The following PPP2R2C variants were observed in gnomAD, a reference collection of about 807,000 sequenced individuals.
PPP2R2C encodes protein phosphatase 2 regulatory subunit Bgamma.
In PPP2R2C, 10 loss-of-function variants were observed where a neutral mutation model predicts 45.3. That is an observed-to-expected ratio of 0.22 (90% CI 0.14 to 0.37). PPP2R2C has a LOEUF of 0.37. PPP2R2C is among the 10% of genes least tolerant of loss of function. The probability of loss-of-function intolerance (pLI) is 1.00; values close to 1 mark genes in which losing one functional copy is unlikely to be tolerated. For synonymous variants in PPP2R2C, 257 were observed against 245.4 expected (o/e 1.05, Z -0.44); for missense variants, 308 against 619.7 (o/e 0.50, Z 5.34).
chr4:6,359,642 A>T (rs905692414), intron 5 of PPP2R2C, among the ~76,000 whole-genome samples: 89 of 151,112 alleles, frequency 5.9e-4, no homozygotes, highest in African/African-American at 2.1e-3. Flanking sequence ...AAAAAAAGAA[A>T]CTCCTTCATC....
At chr4:6,523,724 C>T (rs561377465) in intron 2 of PPP2R2C, among the ~76,000 whole-genome samples, 6 of 152,188 alleles carry the variant, frequency 3.9e-5, no homozygotes, top group African/African-American at 1.4e-4. Flanking sequence ...GTGTCTATCA[C>T]GGAACACTGA....
At chr4:6,414,452 G>C (rs1292224536) in intron 1 of PPP2R2C, among the ~76,000 whole-genome samples, 1 of 152,158 alleles carries the variant, frequency 6.6e-6, no homozygotes, top group Non-Finnish European at 1.5e-5. Context: ...GAAAGCAGGA[G>C]GCTGGCGGGA....
intron 8 of PPP2R2C, among the ~76,000 whole-genome samples, chr4:6,326,439 C>A (rs1271904980): frequency 2.6e-5 from 4 of 152,162 alleles, no homozygotes; most frequent in African/African-American, 2.4e-5. Flanking sequence ...TCTCTCCCCC[C>A]AGGCAGGACA....
chr4:6,452,497 G>A (rs1177172534), intron 1 of PPP2R2C, among the ~76,000 whole-genome samples: 1 of 152,132 alleles, frequency 6.6e-6, no homozygotes, highest in Admixed American at 6.5e-5. Flanking sequence ...TGGCATTTGC[G>A]GCCCCAAGAT....
At chr4:6,323,841 TGGGGAGGCAGGAGGATCACCTGAGC>T (rs1731728099) in intron 8 of PPP2R2C, among the ~76,000 whole-genome samples, 1 of 31,408 alleles carries the variant, frequency 3.2e-5, no homozygotes, top group East Asian at 0.015. Context: ...CACCTGAGCC[TGGGGAGGCAGGAGGATCACCTGAGC>T]CTGGGGAGGC....
intron 1 of PPP2R2C, among the ~76,000 whole-genome samples, chr4:6,440,695 G>A (rs542466071): frequency 3.0e-4 from 46 of 152,308 alleles, no homozygotes; most frequent in Admixed American, 7.8e-4. Flanking sequence ...CTCCCTGACT[G>A]GCACGTCTCA....
At chr4:6,479,344 A>G (rs1722270395) in intron 2 of PPP2R2C, among the ~76,000 whole-genome samples, 1 of 152,294 alleles carries the variant, frequency 6.6e-6, no homozygotes, top group Admixed American at 6.5e-5. Context: ...TTTGAACCTC[A>G]TAGAGGCTGG....
intron 3 of PPP2R2C, among the ~76,000 whole-genome samples, chr4:6,376,952 G>C (rs1444672473): frequency 2.0e-5 from 3 of 152,198 alleles, no homozygotes; most frequent in Admixed American, 1.3e-4. Context: ...AGAACAGCAG[G>C]TGCCCAGAGA....
At chr4:6,384,850 C>G in intron 1 of PPP2R2C, 2 of 985,454 alleles carry the variant, frequency 2.0e-6, no homozygotes, top group Non-Finnish European at 2.4e-6. Context: ...GCCATGAGCT[C>G]TTTGCAGACA....
Position 6,472,371 on chromosome 4 carries a change from G to T in PPP2R2C, c.-142C>A. 9.1e-7 allele frequency: 1 copy of T among 1,099,056 alleles called. No homozygotes were observed. Among genetic ancestry groups the T allele is most frequent in the South Asian group, 4.3e-5 (1 of 23,500 alleles). The allele number at this position is 1,099,056 out of a possible 1,614,324, so 68.1% of individuals were successfully genotyped here. A position where few individuals can be genotyped will look rare whatever the true frequency, so the allele number is the denominator to read the frequency against. On this transcript the variant is annotated 5_prime_UTR_variant, in exon 1 of 9. Transcript: ENST00000382599. Reference sequence around the variant, plus strand: ...CGGGGCCCCGAAGGGAGGGCATCGCGGCAGGGGGACGGGCGGGGGCGGCCG... The same window carrying T: ...CGGGGCCCCGAAGGGAGGGCATCGCTGCAGGGGGACGGGCGGGGGCGGCCG...
At chr4:6,516,633 A>T (rs1434144050) in intron 2 of PPP2R2C, among the ~76,000 whole-genome samples, 1 of 152,222 alleles carries the variant, frequency 6.6e-6, no homozygotes, top group African/African-American at 2.4e-5. Flanking sequence ...ATTCTGGAGG[A>T]ATTAGAACAG....
chr4:6,429,024 T>C (rs1238304990), intron 1 of PPP2R2C, among the ~76,000 whole-genome samples: 2 of 152,162 alleles, frequency 1.3e-5, no homozygotes, highest in Non-Finnish European at 2.9e-5. Context: ...GTGGGACATA[T>C]GTCCTCTTTG....
intron 1 of PPP2R2C, among the ~76,000 whole-genome samples, chr4:6,452,366 G>A (rs1413534674): frequency 2.6e-5 from 4 of 152,062 alleles, no homozygotes; most frequent in Non-Finnish European, 5.9e-5. Flanking sequence ...GTCCACCCTC[G>A]TCCCCTCTCT....
chr4:6,481,590 A>T (rs371134901), intron 2 of PPP2R2C, among the ~76,000 whole-genome samples: 4 of 152,196 alleles, frequency 2.6e-5, no homozygotes, highest in East Asian at 3.8e-4. Context: ...AAGTAGGTCA[A>T]ATGGCACAGT....
intron 5 of PPP2R2C, chr4:6,349,154 G>A (rs1420865239): frequency 2.0e-6 from 2 of 985,274 alleles, no homozygotes; most frequent in African/African-American, 3.5e-5. Flanking sequence ...CACCCTGACA[G>A]AAAGGCCCTC....
At position 6,323,397 on chromosome 4, in the gene PPP2R2C, G is replaced by A; in HGVS notation, c.1249C>T (p.His417Tyr). 1 of 1,614,092 alleles carries A rather than the reference G, an allele frequency of 6.2e-7. No homozygotes were observed. Among genetic ancestry groups the A allele is most frequent in the Non-Finnish European group, 8.5e-7 (1 of 1,179,952 alleles). ...TTCTCAGCCGGGTGCCAGGCCGTGTGCAGGATCTTCTTGGTGAAGTCCAAG... is the reference window on the plus strand; with the variant it reads ...TTCTCAGCCGGGTGCCAGGCCGTGTACAGGATCTTCTTGGTGAAGTCCAAG... ...DSLDFTKKIL[H>Y]TAWHPAENII... is the part of the protein sequence containing the mutation. The change falls in exon 9 of 9, where the codon CAC becomes TAC. Residue 417 changes from histidine to tyrosine, a missense_variant. Transcript: ENST00000382599.
At chr4:6,437,733 A>T (rs1262160590) in intron 1 of PPP2R2C, among the ~76,000 whole-genome samples, 1 of 152,230 alleles carries the variant, frequency 6.6e-6, no homozygotes. Context: ...TAGAAATGAC[A>T]AGTGTCACTC....
At chr4:6,552,584 A>T in intron 1 of PPP2R2C, among the ~76,000 whole-genome samples, 1 of 150,566 alleles carries the variant, frequency 6.6e-6, no homozygotes. Flanking sequence ...TCCTTCTCTG[A>T]TTCTGACCCT....
intron 2 of PPP2R2C, among the ~76,000 whole-genome samples, chr4:6,520,028 T>C (rs948143318): frequency 6.6e-6 from 1 of 151,876 alleles, no homozygotes; most frequent in Non-Finnish European, 1.5e-5. Context: ...GACAGAAGAG[T>C]GACAGGACGG....
Sources: allele counts gnomAD v4.1 joint callset (sites outside exome capture counted in the v4.1 genomes callset), GRCh38; gene constraint gnomAD v4.1.1; transcripts MANE v1.5; gene names NCBI Gene and HGNC (gene_info 2026-07-23, HGNC 2026-07-21).